PRSS12: variants seen among roughly 807,000 people sequenced by gnomAD.
PRSS12 encodes the protein neurotrypsin.
A neutral mutation model predicts 104.4 loss-of-function variants in PRSS12; 85 were observed. That is an observed-to-expected ratio of 0.81 (90% CI 0.68 to 0.98). The LOEUF (loss-of-function observed/expected upper bound fraction) is 0.98, where lower values mean the gene tolerates loss of function less well. PRSS12 is among the 50% of genes least tolerant of loss of function. The pLI, the probability that PRSS12 is intolerant of heterozygous loss-of-function variation, is 0.00. For missense variants in PRSS12, 1,141 were observed against 1,139.2 expected, an observed-to-expected ratio of 1.00 and a Z score of -0.02; for synonymous variants, 454 against 425.2, an observed-to-expected ratio of 1.07 and a Z score of -0.83.
chr4:118,308,329 T>C, intron 8 of PRSS12, 107 bp downstream of exon 8: 3 of 1,452,374 alleles, frequency 2.1e-6, no homozygotes, highest in Non-Finnish European at 2.9e-6. Context: ...TATTTTCAAA[T>C]GAATGACAGA....
At chr4:118,285,496 A>G (rs1742992758) in intron 11 of PRSS12, among the ~76,000 whole-genome samples, 1 of 152,178 alleles carries the variant, frequency 6.6e-6, no homozygotes, top group African/African-American at 2.4e-5. Context: ...GTACTGCTGA[A>G]ATGTTGCATT....
intron 4 of PRSS12, among the ~76,000 whole-genome samples, chr4:118,330,978 C>A (rs138084229): frequency 1.2e-4 from 19 of 152,240 alleles, no homozygotes; most frequent in Middle Eastern, 3.4e-3. Context: ...CATTGGCCCC[C>A]TCAGTGCTAA....
chr4:118,303,910 T>C (rs1375073678), intron 8 of PRSS12: 3 of 152,016 alleles, frequency 2.0e-5, no homozygotes, highest in African/African-American at 4.8e-5. Context: ...ATTCAAAATA[T>C]ATGATAGCAA....
chr4:118,316,429 A>G, intron 5 of PRSS12, 106 bp from the exon 6 acceptor site: 1 of 1,416,638 alleles, frequency 7.1e-7, no homozygotes, highest in South Asian at 1.2e-5. Context: ...GCCTCACTCT[A>G]GGCCTTTTGC....
intron 11 of PRSS12, among the ~76,000 whole-genome samples, chr4:118,291,884 A>T (rs969860814): frequency 6.6e-6 from 1 of 152,150 alleles, no homozygotes; most frequent in Admixed American, 6.5e-5. Flanking sequence ...AATTTCCTGG[A>T]ACTAAAGGCA....
intron 7 of PRSS12, 142 bp from the exon 8 acceptor site, chr4:118,308,719 T>A (rs1743624158): frequency 3.4e-6 from 4 of 1,180,022 alleles, no homozygotes; most frequent in Admixed American, 4.0e-5. Context: ...AGAGGAGATA[T>A]ATCAATAAAA....
intron 3 of PRSS12, 141 bp from the exon 4 acceptor site, chr4:118,332,007 A>G (rs1228240677): frequency 6.2e-6 from 6 of 972,720 alleles, no homozygotes; most frequent in Non-Finnish European, 9.0e-6. Flanking sequence ...ACATACGTAT[A>G]TATATCTAAT....
chr4:118,349,518 A>C (rs1724439454), intron 1 of PRSS12, among the ~76,000 whole-genome samples: 1 of 152,206 alleles, frequency 6.6e-6, no homozygotes, highest in Non-Finnish European at 1.5e-5. Context: ...CTAGTCCATA[A>C]ACTACAAAAT....
intron 7 of PRSS12, among the ~76,000 whole-genome samples, chr4:118,312,483 CCCT>C (rs1743769432): frequency 6.6e-6 from 1 of 152,062 alleles, no homozygotes; most frequent in South Asian, 2.1e-4. Context: ...ATATATTCTG[CCCT>C]CCTCATCAGA....
intron 1 of PRSS12, among the ~76,000 whole-genome samples, chr4:118,351,257 G>A (rs1724495427): frequency 6.6e-6 from 1 of 151,928 alleles, no homozygotes; most frequent in African/African-American, 2.4e-5. Context: ...GGAAACCCTT[G>A]CCCCACAGTG....
chr4:118,302,099 TTAAGA>T (rs527688660), intron 8 of PRSS12, among the ~76,000 whole-genome samples: 426 of 152,316 alleles, frequency 2.8e-3, no homozygotes, highest in African/African-American at 9.8e-3. Flanking sequence ...TTCAACATTA[TTAAGA>T]TATTTGTTTA....
chr4:118,338,108 A>G, intron 2 of PRSS12, 68 bp downstream of exon 2: 2 of 1,588,918 alleles, frequency 1.3e-6, no homozygotes, highest in Non-Finnish European at 1.7e-6. Flanking sequence ...TTTACAAAGC[A>G]ATGACGGGCA....
At chr4:118,344,019 T>A (rs1441806987) in intron 1 of PRSS12, among the ~76,000 whole-genome samples, 2 of 152,178 alleles carry the variant, frequency 1.3e-5, no homozygotes, top group Non-Finnish European at 2.9e-5. Context: ...ATAAAATAAT[T>A]AGTTTTAGTC....
intron 11 of PRSS12, among the ~76,000 whole-genome samples, chr4:118,284,978 A>G (rs1742982852): frequency 6.6e-6 from 1 of 152,182 alleles, no homozygotes; most frequent in African/African-American, 2.4e-5. Flanking sequence ...TCTATTTAAA[A>G]TAAAACTTCC....
chr4:118,291,128 C>T (rs775063673), intron 11 of PRSS12, among the ~76,000 whole-genome samples: 8 of 151,868 alleles, frequency 5.3e-5, no homozygotes, highest in Non-Finnish European at 1.2e-4. Context: ...TCTCCTGAAA[C>T]TCTTCCTTGA....
chr4:118,297,889 G>A (rs1578907067), intron 9 of PRSS12, among the ~76,000 whole-genome samples: 2 of 152,108 alleles, frequency 1.3e-5, no homozygotes, highest in African/African-American at 2.4e-5. Flanking sequence ...TGTAGTCCCA[G>A]CACTTCAGGA....
chr4:118,283,393 A>G (rs748745258), intron 11 of PRSS12, among the ~76,000 whole-genome samples: 3 of 152,190 alleles, frequency 2.0e-5, no homozygotes, highest in Non-Finnish European at 2.9e-5. Context: ...TCATTTCCCA[A>G]ATGAAAAGCG....
Position 118,286,051 on chromosome 4 carries a change from G to A in PRSS12, c.2040-2940C>T, listed in dbSNP as rs545434953. Among the ~76,000 whole-genome samples, 5 of 152,244 alleles carry A rather than the reference G, an allele frequency of 3.3e-5. No individual in the cohort carries two copies. The South Asian group carries it at 6.2e-4, about 19-fold the overall frequency. On this transcript the variant is annotated intron_variant, in intron 11 of 12. Transcript: ENST00000296498. Reference sequence around the variant, plus strand: ...AAAATAATATCAATGTTAAAGCCCTGGGCAATCTTGCCTTAATGTGTCATT... The same window carrying A: ...AAAATAATATCAATGTTAAAGCCCTAGGCAATCTTGCCTTAATGTGTCATT...
chr4:118,317,449 C>A (rs1362298455), intron 5 of PRSS12, among the ~76,000 whole-genome samples: 3 of 152,202 alleles, frequency 2.0e-5, no homozygotes, highest in Admixed American at 6.5e-5. Context: ...GAGCAACAAA[C>A]CTTTTATTAA....
Sources: gnomAD v4.1 joint callset for allele counts (sites outside exome capture counted in the v4.1 genomes callset) on GRCh38, gnomAD v4.1.1 for gene constraint, MANE v1.5 for transcripts, NCBI Gene and HGNC (gene_info 2026-07-23, HGNC 2026-07-21) for gene names.